The following DNAJA4 variants were observed in gnomAD, a reference collection of about 807,000 sequenced individuals.
DNAJA4 encodes the protein DnaJ heat shock protein family (Hsp40) member A4.
A neutral mutation model predicts 39.7 loss-of-function variants in DNAJA4; 32 were observed. That is an observed-to-expected ratio of 0.81 (90% CI 0.61 to 1.08). DNAJA4 has a LOEUF of 1.08. DNAJA4 is among the 50% of genes least tolerant of loss of function. The pLI is 0.00. For synonymous variants in DNAJA4, 184 were observed against 182.4 expected, an observed-to-expected ratio of 1.01 and a Z score of -0.07; for missense variants, 439 against 505.1, an observed-to-expected ratio of 0.87 and a Z score of 1.25.
In DNAJA4 at chr15:78,265,134, C is replaced by G. The variant is rs146796777; in HGVS notation, c.132+239C>G. ...GCGGCACTTGGGTCCCTCGCGAGTC[C>G]CTGCCGAGCCCATTCATTCCTCCAT... On this transcript the variant is annotated intron_variant, in intron 1 of 6. Transcript: ENST00000394852. 1.2e-3 allele frequency among the ~76,000 whole-genome samples: 186 copies of G among 152,336 alleles called. No individual in the cohort carries two copies. In the Middle Eastern group the frequency reaches 0.024, roughly 20 times the overall value.
chr15:78,269,475 T>G (rs1454347231), intron 1 of DNAJA4, among the ~76,000 whole-genome samples: 1 of 151,582 alleles, frequency 6.6e-6, no homozygotes, highest in Non-Finnish European at 1.5e-5. Context: ...TTACCAGTTA[T>G]AAATAAGTTG....
At position 78,274,434 on chromosome 15, in the gene DNAJA4, C is replaced by T. The variant is rs377629426; in HGVS notation, c.646+10C>T. The T allele has an allele frequency of 1.4e-5, 22 of 1,612,218 alleles. No homozygotes were observed. The African/African-American group carries it at 2.0e-4, about 15-fold the overall frequency. On this transcript the variant is annotated intron_variant, in intron 4 of 6. Coordinates refer to ENST00000394852, the MANE Select transcript of DNAJA4 (RefSeq NM_001130182.2). The stretch of plus-strand genomic sequence containing the variant: ...GTACATGTTGAAAAAGGTGAGGCTG[C>T]GCAGAGCTGGTGCTCCACACGGGCT...
chr15:78,265,443 G>A (rs76825818), intron 1 of DNAJA4: 11 of 701,706 alleles, frequency 1.6e-5, no homozygotes, highest in Non-Finnish European at 2.6e-5. Flanking sequence ...TGATAAAAGC[G>A]TCAGATAGTG....
chr15:78,268,052 C>T (rs1424937750), intron 1 of DNAJA4, among the ~76,000 whole-genome samples: 1 of 152,192 alleles, frequency 6.6e-6, no homozygotes, highest in Non-Finnish European at 1.5e-5. Flanking sequence ...ACCCCCATCC[C>T]ATGTGAGATC....
At chr15:78,267,124 T>TTGTGAG (rs1555437995) in intron 1 of DNAJA4, among the ~76,000 whole-genome samples, 5 of 77,190 alleles carry the variant, frequency 6.5e-5, no homozygotes, top group South Asian at 4.5e-4. Flanking sequence ...TGCAGGCCTT[T>TTGTGAG]TGTGAGTGTG....
intron 1 of DNAJA4, among the ~76,000 whole-genome samples, chr15:78,267,176 G>A (rs1167546704): frequency 7.5e-5 from 9 of 120,628 alleles, no homozygotes; most frequent in Non-Finnish European, 1.1e-4. Flanking sequence ...GTGTGTGAGT[G>A]TGTGAGTGTG....
intron 1 of DNAJA4, among the ~76,000 whole-genome samples, chr15:78,268,210 C>T (rs1328174518): frequency 3.3e-5 from 5 of 152,176 alleles, no homozygotes; most frequent in Non-Finnish European, 7.3e-5. Flanking sequence ...CTAGTCCTGA[C>T]CTGCAGATAG....
chr15:78,274,062 T>C, intron 3 of DNAJA4, 135 bp from the exon 4 acceptor site: 1 of 749,174 alleles, frequency 1.3e-6, no homozygotes, highest in Non-Finnish European at 2.1e-6. Context: ...TTCTGCATTG[T>C]TTTTTATTAT....
At position 78,264,760 on chromosome 15, in the gene DNAJA4, C is replaced by A; in HGVS notation, c.-4C>A. ...GCCTCGCCCGCCCCCCCCGCAGACA[C>A]AAGATGGTGAAGGAGACCCAGTACT... On this transcript the variant is annotated 5_prime_UTR_variant, in exon 1 of 7. Transcript: ENST00000394852. 1 of 1,588,652 alleles carries A rather than the reference C, an allele frequency of 6.3e-7. No individual in the cohort carries two copies. Among genetic ancestry groups the A allele is most frequent in the Non-Finnish European group, 8.6e-7 (1 of 1,166,576 alleles).
At position 78,273,161 on chromosome 15, in the gene DNAJA4, T is replaced by C; in HGVS notation, c.380T>C (p.Leu127Ser). The change falls in exon 3 of 7, where the codon TTG becomes TCG. Residue 127 changes from leucine (L) to serine (S), a missense_variant. Coordinates refer to ENST00000394852, the MANE Select transcript of DNAJA4 (RefSeq NM_001130182.2). ...CTATATAATGGAGTCACGAAGAAAT[T>C]GGCCCTCCAGAAAAATGTAATTTGT... Reference protein sequence around the residue: ...EDLYNGVTKKLALQKNVICEK... With the variant: ...EDLYNGVTKKSALQKNVICEK... 1 of 1,605,662 alleles carries C rather than the reference T, an allele frequency of 6.2e-7. No individual in the cohort carries two copies. Among genetic ancestry groups the C allele is most frequent in the South Asian group, 1.1e-5 (1 of 90,804 alleles).
chr15:78,269,501 CTAT>C (rs1158454015), intron 1 of DNAJA4, among the ~76,000 whole-genome samples: 1 of 123,132 alleles, frequency 8.1e-6, no homozygotes, highest in African/African-American at 3.1e-5. Context: ...TTTGTTTTAT[CTAT>C]TATTATTATT....
chr15:78,264,343 C>T, upstream of DNAJA4: 1 of 1,447,328 alleles, frequency 6.9e-7, no homozygotes. Context: ...AGAGCTGGAG[C>T]TCCGGGGAAT....
rs2049067132 is a variant in DNAJA4, at chr15:78,264,659, C to T, written c.-105C>T. On this transcript the variant is annotated 5_prime_UTR_variant, in exon 1 of 7. Transcript: ENST00000394852. ...GGCGGCGGCGACCGTGACCGTGACG[C>T]GCGAGCGGGCGGCGGGGGCGCGGGC... is the stretch of plus-strand genomic sequence containing the variant. 1 of 1,016,154 alleles carries T rather than the reference C, an allele frequency of 9.8e-7. No individual in the cohort carries two copies. Among genetic ancestry groups the T allele is most frequent in the Non-Finnish European group, 1.2e-6 (1 of 850,320 alleles). The allele number at this position is 1,016,154 out of a possible 1,614,324, so 62.9% of individuals were successfully genotyped here.
rs2049614595 is a variant in DNAJA4 at position 78,280,200 on chromosome 15, A to G, written c.979-45A>G. The G allele has an allele frequency of 3.1e-6, 5 of 1,610,812 alleles. No individual in the cohort carries two copies. The African/African-American group carries it at 4.0e-5, about 13-fold the overall frequency. Reference sequence around the variant, plus strand: ...CATATTATTAAATGCCTTAATTGGAAGGGGAAAAAACAGCCACCTTTCTTT... The same window carrying G: ...CATATTATTAAATGCCTTAATTGGAGGGGGAAAAAACAGCCACCTTTCTTT... On this transcript the variant is annotated intron_variant, in intron 6 of 6. Coordinates refer to ENST00000394852, the MANE Select transcript of DNAJA4 (RefSeq NM_001130182.2).
At chr15:78,273,709 C>A (rs2141449942) in intron 3 of DNAJA4, among the ~76,000 whole-genome samples, 1 of 152,316 alleles carries the variant, frequency 6.6e-6, no homozygotes. Flanking sequence ...GCCATGGTTT[C>A]TTGACCCCTG....
Position 78,270,638 on chromosome 15 carries a change from T to C in DNAJA4, c.274T>C (p.Phe92Leu). 1 of 1,614,172 alleles carries C rather than the reference T, an allele frequency of 6.2e-7. No individual in the cohort carries two copies. Among genetic ancestry groups the C allele is most frequent in the Non-Finnish European group, 8.5e-7 (1 of 1,180,034 alleles). Residue 92 changes from phenylalanine to leucine, a missense_variant, in exon 2 of 7, where the codon TTC (phenylalanine) becomes CTC (leucine). Coordinates refer to ENST00000394852, the MANE Select transcript of DNAJA4 (RefSeq NM_001130182.2). ...FSSPMDIFDM[F>L]FGGGGRMARE... ...TTCACCCATGGACATCTTTGACATG[T>C]TCTTTGGTGGTGGTGGACGGATGGC... is the stretch of plus-strand genomic sequence containing the variant.
In DNAJA4 at chr15:78,279,994, T is replaced by G; in HGVS notation, c.878-51T>G. On this transcript the variant is annotated intron_variant, in intron 5 of 6. Transcript: ENST00000394852. The surrounding 1 kb of genome is among the most constrained non-coding windows in gnomAD (Gnocchi z 4.5). The stretch of plus-strand genomic sequence containing the variant: ...GGCTCTCCCATGAGGGAGAACGACC[T>G]CTGCAGGCCCCTCTGCCTTCCTCCT... 1 of 1,568,552 alleles carries G rather than the reference T, an allele frequency of 6.4e-7. No homozygotes were observed. Among genetic ancestry groups the G allele is most frequent in the South Asian group, 1.1e-5 (1 of 89,086 alleles).
chr15:78,276,772 C>G (rs1382565113), intron 5 of DNAJA4, among the ~76,000 whole-genome samples: 1 of 152,186 alleles, frequency 6.6e-6, no homozygotes, highest in Non-Finnish European at 1.5e-5. Context: ...TCAGGGCAGG[C>G]AGGGAGGTAA....
intron 5 of DNAJA4, among the ~76,000 whole-genome samples, chr15:78,276,233 CAT>C (rs1337996775): frequency 2.6e-5 from 4 of 152,236 alleles, no homozygotes; most frequent in Non-Finnish European, 5.9e-5. Context: ...GATTCATCCA[CAT>C]GTTCCTGTAG....
Sources: gnomAD v4.1 joint callset for allele counts (sites outside exome capture counted in the v4.1 genomes callset) on GRCh38, gnomAD v4.1.1 for gene constraint, Gnocchi (gnomAD v3.1) non-coding constraint, MANE v1.5 for transcripts, NCBI Gene and HGNC (gene_info 2026-07-23, HGNC 2026-07-21) for gene names.